The following UTP4 variants were observed in gnomAD, a reference collection of about 807,000 sequenced individuals.
UTP4 encodes the protein U3 small nucleolar RNA-associated protein 4 homolog.
Under a neutral mutation model 82.4 loss-of-function variants are expected in UTP4, and 45 were observed. That is an observed-to-expected ratio of 0.55 (90% CI 0.43 to 0.70). The LOEUF (loss-of-function observed/expected upper bound fraction) is 0.70, where lower values mean the gene tolerates loss of function less well. UTP4 is among the 30% of genes least tolerant of loss of function. UTP4 has a pLI of 0.00. For synonymous variants in UTP4, 348 were observed against 300.3 expected, an observed-to-expected ratio of 1.16 and a Z score of -1.64; for missense variants, 819 against 858.3, an observed-to-expected ratio of 0.95 and a Z score of 0.57.
intron 5 of UTP4, 95 bp from the exon 6 acceptor site, chr16:69,143,083 C>G: frequency 7.5e-7 from 1 of 1,339,552 alleles, no homozygotes; most frequent in Non-Finnish European, 1.1e-6. Flanking sequence ...GCCTTAAACT[C>G]CAGGGCTCAA....
intron 3 of UTP4, 121 bp downstream of exon 3, chr16:69,137,008 A>T: frequency 1.2e-6 from 1 of 843,896 alleles, no homozygotes; most frequent in Admixed American, 1.8e-5. Flanking sequence ...CAACTATAAG[A>T]TTGGAATTGA....
At chr16:69,140,998 A>T (rs895481360) in intron 5 of UTP4, among the ~76,000 whole-genome samples, 3 of 152,190 alleles carry the variant, frequency 2.0e-5, no homozygotes, top group African/African-American at 7.2e-5. Context: ...TACTACTCAC[A>T]TAGTAAATTT....
intron 10 of UTP4, 93 bp downstream of exon 10, chr16:69,154,550 T>A: frequency 2.2e-6 from 2 of 924,864 alleles, no homozygotes; most frequent in Non-Finnish European, 3.6e-6. Context: ...GTTTGCATCA[T>A]AAATTGTATA....
At chr16:69,138,958 CTTTTTTTTTTTTTTT>C (rs898342829) in intron 4 of UTP4, 3 of 80,732 alleles carry the variant, frequency 3.7e-5, no homozygotes, top group Admixed American at 1.3e-4. Context: ...CTTGGGTGCT[CTTTTTTTTTTTTTTT>C]TTTTTTTTTT....
At chr16:69,133,666 T>C in intron 2 of UTP4, 48 bp downstream of exon 2, 5 of 1,586,890 alleles carry the variant, frequency 3.2e-6, no homozygotes, top group Non-Finnish European at 4.3e-6. Context: ...TAATTTCTTC[T>C]GAAGTTCAAG....
At chr16:69,161,492 A>G (rs991810754) in intron 13 of UTP4, among the ~76,000 whole-genome samples, 6 of 152,328 alleles carry the variant, frequency 3.9e-5, no homozygotes, top group African/African-American at 1.4e-4. Flanking sequence ...CATGCTTTGC[A>G]ATTGTACATA....
intron 10 of UTP4, among the ~76,000 whole-genome samples, chr16:69,154,693 AAAT>A (rs1273237306): frequency 1.3e-5 from 2 of 149,862 alleles, no homozygotes; most frequent in Admixed American, 1.3e-4. Flanking sequence ...ATTATTATGA[AAAT>A]AATGTGCTTT....
At chr16:69,144,723 T>C (rs1051419162) in intron 6 of UTP4, among the ~76,000 whole-genome samples, 7 of 152,224 alleles carry the variant, frequency 4.6e-5, no homozygotes, top group Admixed American at 3.3e-4. Flanking sequence ...TGATGTATGT[T>C]AAGGCCCTGA....
At chr16:69,162,635 C>T (rs1250793954) in intron 13 of UTP4, among the ~76,000 whole-genome samples, 1 of 151,550 alleles carries the variant, frequency 6.6e-6, no homozygotes, top group Admixed American at 6.6e-5. Context: ...TCACTTGAAA[C>T]CGGAAGGTGG....
At position 69,150,590 on chromosome 16, in the gene UTP4, G is replaced by A. The variant is rs758658564; in HGVS notation, c.792G>A (p.Gln264=). The part of the protein sequence containing the change: ...GTAEGTVFHF[Q]LVPVTSNSSE... ...CCGAGGGAACAGTCTTCCATTTTCAGCTGGTCCCTGTGACATCTAACAGCA... is the reference window on the plus strand; with the variant it reads ...CCGAGGGAACAGTCTTCCATTTTCAACTGGTCCCTGTGACATCTAACAGCA... Residue 264 remains glutamine (Q), a synonymous_variant, in exon 7 of 17, where the codon CAG becomes CAA. Coordinates refer to ENST00000314423, the MANE Select transcript of UTP4 (RefSeq NM_032830.3). 1 of 1,614,228 alleles carries A rather than the reference G, an allele frequency of 6.2e-7. No individual in the cohort carries two copies. Among genetic ancestry groups the A allele is most frequent in the East Asian group, 2.2e-5 (1 of 44,882 alleles).
chr16:69,151,589 G>C lies in UTP4; in HGVS notation c.1002+685G>C, dbSNP rs1192070956. On this transcript the variant is annotated intron_variant, in intron 8 of 16. Coordinates refer to ENST00000314423, the MANE Select transcript of UTP4 (RefSeq NM_032830.3). Reference sequence around the variant, plus strand: ...CCCGCCTCGGCCTCCCAAAGTGCTGGGCTTACAGGCGTGAGCCACTGTGCC... The same window carrying C: ...CCCGCCTCGGCCTCCCAAAGTGCTGCGCTTACAGGCGTGAGCCACTGTGCC... Among the ~76,000 whole-genome samples, 4 of 151,460 alleles carry C rather than the reference G, an allele frequency of 2.6e-5. No individual in the cohort carries two copies. In the East Asian group the frequency reaches 7.7e-4, roughly 29 times the overall value.
At chr16:69,167,348 G>A in intron 16 of UTP4, 163 bp downstream of exon 16, 1 of 645,858 alleles carries the variant, frequency 1.5e-6, no homozygotes, top group South Asian at 1.8e-5. Context: ...CCTTGTATAT[G>A]TTTTATTGTT....
At chr16:69,134,087 A>G (rs1051765038) in intron 2 of UTP4, among the ~76,000 whole-genome samples, 7 of 152,226 alleles carry the variant, frequency 4.6e-5, no homozygotes, top group African/African-American at 1.7e-4. Flanking sequence ...ACATGTCTAC[A>G]TTTGGGAGTA....
At chr16:69,154,855 A>C (rs1963369420) in intron 10 of UTP4, among the ~76,000 whole-genome samples, 1 of 151,988 alleles carries the variant, frequency 6.6e-6, no homozygotes, top group Non-Finnish European at 1.5e-5. Context: ...TAGCCCCCCA[A>C]GTAGCTGGGA....
At chr16:69,151,688 T>C (rs551411680) in intron 8 of UTP4, among the ~76,000 whole-genome samples, 1 of 152,054 alleles carries the variant, frequency 6.6e-6, no homozygotes, top group Non-Finnish European at 1.5e-5. Flanking sequence ...AGCTACCTTC[T>C]TCATTCCTTC....
At chr16:69,150,494 T>G in intron 6 of UTP4, 43 bp from the exon 7 acceptor site, 1 of 1,611,004 alleles carries the variant, frequency 6.2e-7, no homozygotes, top group Non-Finnish European at 8.5e-7. Context: ...CAACCAGACC[T>G]TGTTTTGCTT....
Position 69,155,957 on chromosome 16 carries a change from G to C in UTP4, c.1251G>C (p.Arg417=), listed in dbSNP as rs1963399363. The stretch of plus-strand genomic sequence containing the variant: ...CAGTTTCTCGGTTTTTTCTCTATCG[G>C]CTGAATTATGAACATGACAACATAA... ...YSTVSRFFLY[R]LNYEHDNISL... The change falls in exon 11 of 17, where the codon CGG becomes CGC. Residue 417 remains arginine (R), a synonymous_variant. Coordinates refer to ENST00000314423, the MANE Select transcript of UTP4 (RefSeq NM_032830.3). The C allele has an allele frequency of 6.2e-7, 1 of 1,613,932 alleles. No homozygotes were observed. The highest frequency in any genetic ancestry group is 1.3e-5 in the African/African-American group (1 of 74,900).
At chr16:69,138,779 G>T (rs1233124141) in intron 4 of UTP4, among the ~76,000 whole-genome samples, 1 of 152,096 alleles carries the variant, frequency 6.6e-6, no homozygotes, top group African/African-American at 2.4e-5. Flanking sequence ...GAAACTAATG[G>T]GCAGGCTGTG....
At chr16:69,143,132 C>T in intron 5 of UTP4, 46 bp from the exon 6 acceptor site, 1 of 1,594,334 alleles carries the variant, frequency 6.3e-7, no homozygotes, top group Non-Finnish European at 8.6e-7. Flanking sequence ...ATTTTGAAGA[C>T]AGAGAAATAA....
Sources: allele counts gnomAD v4.1 joint callset (sites outside exome capture counted in the v4.1 genomes callset), GRCh38; gene constraint gnomAD v4.1.1; transcripts MANE v1.5; gene names NCBI Gene and HGNC (gene_info 2026-07-23, HGNC 2026-07-21).